RNF216: variants seen among roughly 807,000 people sequenced by gnomAD.
RNF216 encodes the protein ring finger protein 216.
RNF216 carries 72 observed loss-of-function variants against 110.8 expected under a neutral mutation model. The ratio of observed to expected loss-of-function variants is 0.65; its 90% confidence interval spans 0.54 to 0.79. The LOEUF is 0.79. RNF216 is among the 30% of genes least tolerant of loss of function. The probability of loss-of-function intolerance (pLI) is 0.00; values close to 1 mark genes in which losing one functional copy is unlikely to be tolerated. For synonymous variants in RNF216, 495 were observed against 407.5 expected (o/e 1.21, Z -2.59); for missense variants, 1,342 against 1,141.2 (o/e 1.18, Z -2.54).
chr7:5,641,028 A>T (rs1055655478), intron 15 of RNF216, 126 bp downstream of exon 15: 4 of 722,950 alleles, frequency 5.5e-6, no homozygotes, highest in Non-Finnish European at 8.9e-6. Context: ...TTTGGTTATC[A>T]GTCTATGTAA....
chr7:5,711,925 T>TG, intron 12 of RNF216, 86 bp from the exon 13 acceptor site: 1 of 1,215,872 alleles, frequency 8.2e-7, no homozygotes, highest in Non-Finnish European at 1.2e-6. Context: ...CATATGAAGA[T>TG]GGAGTTTTGA....
intron 13 of RNF216, among the ~76,000 whole-genome samples, chr7:5,655,952 G>A (rs908097974): frequency 1.5e-4 from 23 of 151,922 alleles, no homozygotes; most frequent in Non-Finnish European, 2.8e-4. Context: ...CACCTCCTGG[G>A]CTCAAGCGAT....
At chr7:5,689,882 A>T (rs1264999094) in intron 13 of RNF216, among the ~76,000 whole-genome samples, 2 of 151,200 alleles carry the variant, frequency 1.3e-5, no homozygotes, top group African/African-American at 4.9e-5. Flanking sequence ...GGGGGGTTGC[A>T]GTGAGCCAAG....
At chr7:5,702,784 T>G (rs540727334) in intron 13 of RNF216, among the ~76,000 whole-genome samples, 1 of 152,108 alleles carries the variant, frequency 6.6e-6, no homozygotes, top group Non-Finnish European at 1.5e-5. Context: ...CAGACACAAG[T>G]AGAGTTAAAA....
At chr7:5,705,962 C>CAAAACA (rs1792258072) in intron 13 of RNF216, among the ~76,000 whole-genome samples, 1 of 150,362 alleles carries the variant, frequency 6.7e-6, no homozygotes, top group African/African-American at 2.5e-5. Flanking sequence ...CAAAACAAAA[C>CAAAACA]AAAACACCAC....
intron 8 of RNF216, among the ~76,000 whole-genome samples, chr7:5,723,381 G>A (rs923913139): frequency 1.3e-5 from 2 of 152,110 alleles, no homozygotes; most frequent in African/African-American, 4.8e-5. Context: ...GGGTGCGGTG[G>A]CTCAAGCCTG....
At position 5,622,648 on chromosome 7, in the gene RNF216, T is replaced by C; in HGVS notation, c.*212A>G. 1 of 569,096 alleles carries C rather than the reference T, an allele frequency of 1.8e-6. No homozygotes were observed. Among genetic ancestry groups the C allele is most frequent in the South Asian group, 2.5e-5 (1 of 40,654 alleles). 35.3% of individuals were successfully genotyped at this position (569,096 alleles called of 1,614,324 possible). On this transcript the variant is annotated 3_prime_UTR_variant, in exon 17 of 17. Coordinates refer to ENST00000389902, the MANE Select transcript of RNF216 (RefSeq NM_207111.4). Reference sequence around the variant, plus strand: ...AGGGGCAGTTCACATCGCAGCTCTCTCCGAACTCCACCATTTGGGACGTCT... The same window carrying C: ...AGGGGCAGTTCACATCGCAGCTCTCCCCGAACTCCACCATTTGGGACGTCT...
Position 5,734,894 on chromosome 7 carries a change from G to A in RNF216, c.1122-4077C>T, listed in dbSNP as rs565218499. 2.1e-4 allele frequency among the ~76,000 whole-genome samples: 32 copies of A among 149,156 alleles called. No individual in the cohort carries two copies. In the South Asian group the frequency reaches 5.3e-3, roughly 25 times the overall value. ...AGGTTTGCAGGGCATGGTGGCTCACGTCTCCCAGCACTTTGGGAGGCTGAG... is the reference window on the plus strand; with the variant it reads ...AGGTTTGCAGGGCATGGTGGCTCACATCTCCCAGCACTTTGGGAGGCTGAG... On this transcript the variant is annotated intron_variant, in intron 5 of 16. Coordinates refer to ENST00000389902, the MANE Select transcript of RNF216 (RefSeq NM_207111.4).
chr7:5,744,831 G>T (rs558885879), intron 3 of RNF216, among the ~76,000 whole-genome samples: 82 of 152,210 alleles, frequency 5.4e-4, no homozygotes, highest in African/African-American at 1.7e-3. Flanking sequence ...AATTAGCTGG[G>T]AGTGGTAGCG....
intron 15 of RNF216, among the ~76,000 whole-genome samples, chr7:5,627,987 T>C (rs185712687): frequency 1.3e-5 from 2 of 152,164 alleles, no homozygotes; most frequent in South Asian, 2.1e-4. Context: ...GGCACCTGCA[T>C]AGGAGCGCGA....
At chr7:5,729,636 T>C in intron 6 of RNF216, 40 bp from the exon 7 acceptor site, 2 of 1,533,246 alleles carry the variant, frequency 1.3e-6, no homozygotes, top group East Asian at 2.2e-5. Flanking sequence ...GGCCAGGCAG[T>C]ACATTTCCCA....
chr7:5,673,068 G>A (rs368999130), intron 13 of RNF216, among the ~76,000 whole-genome samples: 2 of 152,148 alleles, frequency 1.3e-5, no homozygotes, highest in East Asian at 1.9e-4. Context: ...CAGGGTGGTG[G>A]GGGCCTATGT....
intron 8 of RNF216, among the ~76,000 whole-genome samples, chr7:5,722,771 C>T (rs547904824): frequency 1.6e-4 from 25 of 151,906 alleles, no homozygotes; most frequent in Non-Finnish European, 3.1e-4. Flanking sequence ...CCTGTAATCC[C>T]AGCACTTTGG....
rs768632728 is a variant in RNF216, at chr7:5,622,436, G to A, written c.*424C>T. On this transcript the variant is annotated 3_prime_UTR_variant, in exon 17 of 17. Coordinates refer to ENST00000389902, the MANE Select transcript of RNF216 (RefSeq NM_207111.4). ...ACCCTGAGCAATGCTTCCCAGGCCC[G>A]CAGGTGCAGCCCCCTCTGCCCTTGG... 1.0e-4 allele frequency: 17 copies of A among 163,106 alleles called. No homozygotes were observed. Among genetic ancestry groups the A allele is most frequent in the Middle Eastern group, 2.9e-3 (1 of 342 alleles). 10.1% of individuals were successfully genotyped at this position (163,106 alleles called of 1,614,324 possible). A position where few individuals can be genotyped will look rare whatever the true frequency, so the allele number is the denominator to read the frequency against.
chr7:5,628,582 G>A (rs1434289886), intron 15 of RNF216, among the ~76,000 whole-genome samples: 1 of 152,076 alleles, frequency 6.6e-6, no homozygotes, highest in Non-Finnish European at 1.5e-5. Flanking sequence ...GGGTGCAGTG[G>A]CACCATCATA....
intron 7 of RNF216, among the ~76,000 whole-genome samples, chr7:5,726,755 G>A (rs556224536): frequency 2.0e-5 from 3 of 151,940 alleles, no homozygotes; most frequent in Admixed American, 6.5e-5. Context: ...GCTACTTGGG[G>A]GGCTAAGGCA....
chr7:5,648,795 G>T (rs1203908170), intron 14 of RNF216, among the ~76,000 whole-genome samples: 1 of 151,362 alleles, frequency 6.6e-6, no homozygotes, highest in Non-Finnish European at 1.5e-5. Flanking sequence ...ATGATACCAC[G>T]AGAAACCAGC....
At chr7:5,746,325 G>A (rs1232051689) in intron 3 of RNF216, among the ~76,000 whole-genome samples, 5 of 152,142 alleles carry the variant, frequency 3.3e-5, no homozygotes, top group Non-Finnish European at 7.4e-5. Flanking sequence ...CAAATCACTG[G>A]CAATAACTGT....
rs544930468 is a variant in RNF216, at chr7:5,753,257, A to C, written c.68-278T>G. 2.6e-5 allele frequency among the ~76,000 whole-genome samples: 4 copies of C among 152,290 alleles called. 2 individuals carry two copies. Among genetic ancestry groups the C allele is most frequent in the African/African-American group, 9.6e-5 (4 of 41,556 alleles). On this transcript the variant is annotated intron_variant, in intron 2 of 16. Coordinates refer to ENST00000389902, the MANE Select transcript of RNF216 (RefSeq NM_207111.4). ...CTAGGTTGGAGAAATCTGTTTACAA[A>C]ATTTTCTTGACTGCCAATTTCTTTA...
Sources: allele counts gnomAD v4.1 joint callset (sites outside exome capture counted in the v4.1 genomes callset), GRCh38; gene constraint gnomAD v4.1.1; transcripts MANE v1.5; gene names NCBI Gene and HGNC (gene_info 2026-07-23, HGNC 2026-07-21).